NAALADL1: variants seen among roughly 807,000 people sequenced by gnomAD.
The protein encoded by NAALADL1 is N-acetylated alpha-linked acidic dipeptidase like 1, also known as aminopeptidase NAALADL1.
In NAALADL1, 77 loss-of-function variants were observed where a neutral mutation model predicts 82.8. The observed-to-expected ratio is 0.93, with a 90% CI of 0.77 to 1.12. The LOEUF (loss-of-function observed/expected upper bound fraction) is 1.12. Among genes scored for constraint, NAALADL1 ranks in the 50% most tolerant of loss-of-function variants. The probability of loss-of-function intolerance (pLI) is 0.00; values close to 1 mark genes in which losing one functional copy is unlikely to be tolerated. For synonymous variants in NAALADL1, 358 were observed against 399.2 expected (o/e 0.90, Z 1.23); for missense variants, 956 against 964.0 (o/e 0.99, Z 0.11).
Position 65,045,277 on chromosome 11 carries a change from G to GT in NAALADL1, c.2216dup (p.Asp739GlufsTer58). On this transcript the variant is annotated frameshift_variant, in exon 18 of 18. Coordinates refer to ENST00000358658, the MANE Select transcript of NAALADL1 (RefSeq NM_005468.3). LOFTEE classifies it high-confidence loss of function. ...TGAAGAAAGAGGGCTGGGGTCAGAG[G>GT]TCAGCCACAGGCCTCAGGGTGGCTG... 3 of 1,605,296 alleles carry GT rather than the reference G, an allele frequency of 1.9e-6. No individual in the cohort carries two copies. The highest frequency in any genetic ancestry group is 2.6e-6 in the Non-Finnish European group (3 of 1,174,358).
chr11:65,047,402 A>G, intron 13 of NAALADL1, 73 bp downstream of exon 13: 1 of 1,335,800 alleles, frequency 7.5e-7, no homozygotes, highest in Non-Finnish European at 1.0e-6. Context: ...AGTCTGTATG[A>G]GAACAGCCAC....
In NAALADL1 at chr11:65,047,675, T is replaced by C. The variant is rs1380032804; in HGVS notation, c.1480A>G (p.Ser494Gly). Reference sequence around the variant, plus strand: ...GGGACCAGGCCGTACACCGGGCTGCTGCGGTTGAAGTACCGGATCCAGTTG... The same window carrying C: ...GGGACCAGGCCGTACACCGGGCTGCCGCGGTTGAAGTACCGGATCCAGTTG... The part of the protein sequence containing the change: ...YDNWIRYFNR[S>G]SPVYGLVPSL... Residue 494 changes from serine (S) to glycine (G), a missense_variant, in exon 12 of 18, where the codon AGC (serine) becomes GGC (glycine). By Grantham distance (56) the Ser-to-Gly change is moderately conservative. Transcript: ENST00000358658. 3 of 1,607,682 alleles carry C rather than the reference T, an allele frequency of 1.9e-6. No individual in the cohort carries two copies. Among genetic ancestry groups the C allele is most frequent in the African/African-American group, 1.3e-5 (1 of 74,830 alleles).
In NAALADL1 at chr11:65,053,022, G is replaced by C. The variant is rs771793268; in HGVS notation, c.1198+196C>G. Among the ~76,000 whole-genome samples the C allele has an allele frequency of 6.6e-6, 1 of 152,370 alleles. No individual in the cohort carries two copies. The highest frequency in any genetic ancestry group is 2.1e-4 in the South Asian group (1 of 4,832). On this transcript the variant is annotated intron_variant, in intron 8 of 17. Coordinates refer to ENST00000358658, the MANE Select transcript of NAALADL1 (RefSeq NM_005468.3). The surrounding 1 kb of genome is among the most constrained non-coding windows in gnomAD (Gnocchi z 4.3). The stretch of plus-strand genomic sequence containing the variant: ...AGGCACACGGGAGGCACTTGGAAGC[G>C]GCACATGAATCAACCCACAGTCTAT...
chr11:65,058,689 A>T (rs1251009877), upstream of NAALADL1: 2 of 641,282 alleles, frequency 3.1e-6, no homozygotes, highest in African/African-American at 3.7e-5. Flanking sequence ...AGCCATCCAC[A>T]TCCACCACAT....
intron 3 of NAALADL1, 70 bp from the exon 4 acceptor site, chr11:65,057,563 T>C: frequency 6.5e-7 from 1 of 1,545,920 alleles, no homozygotes; most frequent in South Asian, 1.2e-5. Flanking sequence ...GGGGTGGAAG[T>C]TTGCATGGCA....
intron 17 of NAALADL1, 165 bp downstream of exon 17, chr11:65,045,657 G>A (rs1946703296): frequency 1.1e-6 from 1 of 878,586 alleles, no homozygotes; most frequent in Non-Finnish European, 1.7e-6. Flanking sequence ...CTCCCAGAGG[G>A]ACCCTCAAGC....
chr11:65,045,239 G>A lies in NAALADL1; in HGVS notation c.*32C>T. 1 of 1,597,006 alleles carries A rather than the reference G, an allele frequency of 6.3e-7. No individual in the cohort carries two copies. The highest frequency in any genetic ancestry group is 8.5e-7 in the Non-Finnish European group (1 of 1,170,624). ...GGAAAGCAGGCAGGAGAGGGTTGGA[G>A]TAAAGGGAGGGCTGAAGAAAGAGGG... On this transcript the variant is annotated 3_prime_UTR_variant, in exon 18 of 18. Coordinates refer to ENST00000358658, the MANE Select transcript of NAALADL1 (RefSeq NM_005468.3).
intron 8 of NAALADL1, 75 bp from the exon 9 acceptor site, chr11:65,048,460 C>G (rs75121661): frequency 1.3e-6 from 2 of 1,533,766 alleles, no homozygotes; most frequent in Non-Finnish European, 1.8e-6. Flanking sequence ...AGGCTGCTGA[C>G]GTGAGGAGGG....
chr11:65,053,823 C>T lies in NAALADL1; in HGVS notation c.993-247G>A, dbSNP rs560314621. On this transcript the variant is annotated intron_variant, in intron 6 of 17. Transcript: ENST00000358658. This position sits in a 1 kb window ranked among gnomAD's most constrained non-coding sequence, Gnocchi z 4.3. ...CGGTGACAGATGTGGACCTGGTTCT[C>T]GTGGGGCCTCCCTCTCCTGAGTGAG... Among the ~76,000 whole-genome samples, 35 of 152,106 alleles carry T rather than the reference C, an allele frequency of 2.3e-4. No homozygotes were observed. The highest frequency in any genetic ancestry group is 4.1e-4 in the South Asian group (2 of 4,824).
Position 65,058,173 on chromosome 11 carries a change from T to C in NAALADL1, c.263A>G (p.Lys88Arg), listed in dbSNP as rs1057498958. The change falls in exon 2 of 18, where the codon AAG becomes AGG. Residue 88 changes from lysine (K) to arginine (R), a missense_variant. By Grantham distance (26) the Lys-to-Arg change is conservative. Transcript: ENST00000358658. The part of the protein sequence containing the change: ...DLVQLLLQRW[K>R]DPESGLDSAE... Reference sequence around the variant, plus strand: ...CGAGTCCAGGCCTGACTCTGGGTCCTTCCAGCGCTGCAGCAGCAGCTGCAC... The same window carrying C: ...CGAGTCCAGGCCTGACTCTGGGTCCCTCCAGCGCTGCAGCAGCAGCTGCAC... The C allele has an allele frequency of 2.5e-6, 4 of 1,613,956 alleles. No individual in the cohort carries two copies. Among genetic ancestry groups the C allele is most frequent in the Non-Finnish European group, 3.4e-6 (4 of 1,179,944 alleles).
intron 8 of NAALADL1, among the ~76,000 whole-genome samples, chr11:65,049,866 G>A (rs965282108): frequency 6.6e-6 from 1 of 151,934 alleles, no homozygotes; most frequent in Non-Finnish European, 1.5e-5. Flanking sequence ...GTGAGACCCT[G>A]TCTCAAAAAA....
chr11:65,047,619 C>G (rs1426841884), intron 12 of NAALADL1, 28 bp downstream of exon 12: 1 of 1,587,580 alleles, frequency 6.3e-7, no homozygotes, highest in Non-Finnish European at 8.6e-7. Context: ...CCGCCTCGCT[C>G]CGGGCCCCCT....
At position 65,047,568 on chromosome 11, in the gene NAALADL1, G is replaced by A. The variant is rs1268249258; in HGVS notation, c.1509-3C>T. ...TGCCAGCACCCAGAGAACCCAAGCT[G>A]CGGGAAGGAAGGGGGCCGGGATAAA... On this transcript the variant is annotated splice_region_variant and splice_polypyrimidine_tract_variant and intron_variant, in intron 12 of 17. Coordinates refer to ENST00000358658, the MANE Select transcript of NAALADL1 (RefSeq NM_005468.3). 2 of 1,572,706 alleles carry A rather than the reference G, an allele frequency of 1.3e-6. No homozygotes were observed. Among genetic ancestry groups the A allele is most frequent in the Admixed American group, 1.9e-5 (1 of 52,890 alleles).
chr11:65,053,541 A>C lies in NAALADL1; in HGVS notation c.1028T>G (p.Leu343Arg). Residue 343 changes from leucine (L) to arginine (R), a missense_variant, in exon 7 of 18, where the codon CTG (leucine) becomes CGG (arginine). Transcript: ENST00000358658. The surrounding 1 kb of genome is among the most constrained non-coding windows in gnomAD (Gnocchi z 4.3). ...VNVSVYNRLE[L>R]RNSSNVLGII... ...GCCCAGGACGTTGGAAGAGTTCCTCAGCTCCAGGCGGTTGTAGACGCTCAC... is the reference window on the plus strand; with the variant it reads ...GCCCAGGACGTTGGAAGAGTTCCTCCGCTCCAGGCGGTTGTAGACGCTCAC... 1 of 1,611,912 alleles carries C rather than the reference A, an allele frequency of 6.2e-7. No homozygotes were observed. Among genetic ancestry groups the C allele is most frequent in the Non-Finnish European group, 8.5e-7 (1 of 1,178,752 alleles).
rs780105843 is a variant in NAALADL1, at chr11:65,047,744, C to G, written c.1417-6G>C. 3.8e-6 allele frequency: 6 copies of G among 1,595,302 alleles called. No homozygotes were observed. Among genetic ancestry groups the G allele is most frequent in the Non-Finnish European group, 4.3e-6 (5 of 1,172,088 alleles). On this transcript the variant is annotated splice_region_variant and splice_polypyrimidine_tract_variant and intron_variant, in intron 11 of 17. Transcript: ENST00000358658. ...CCAGGGCCTGGTGAGCGGATCTGGCCGGAAGGAGAATTTAGTCTCGGTGCG... is the reference window on the plus strand; with the variant it reads ...CCAGGGCCTGGTGAGCGGATCTGGCGGGAAGGAGAATTTAGTCTCGGTGCG...
Position 65,047,717 on chromosome 11 carries a change from C to T in NAALADL1, c.1438G>A (p.Asp480Asn), listed in dbSNP as rs1670445316. The T allele has an allele frequency of 6.2e-7, 1 of 1,605,776 alleles. No homozygotes were observed. Among genetic ancestry groups the T allele is most frequent in the Non-Finnish European group, 8.5e-7 (1 of 1,177,142 alleles). ...TKEIRSPGPG[D>N]LSIYDNWIRY... ...ATCCAGTTGTCGTAGATGCTCAGGT[C>T]GCCAGGGCCTGGTGAGCGGATCTGG... Residue 480 changes from aspartate to asparagine, a missense_variant, in exon 12 of 18, where the codon GAC becomes AAC. Transcript: ENST00000358658.
Position 65,054,475 on chromosome 11 carries a change from C to A in NAALADL1, c.867G>T (p.Gln289His). ...CTCACCAGAGCAGGTCTCTTGCATC[C>A]TGGAAGCCAATGGGCTGTGTAGGAA... The part of the protein sequence containing the change: ...PPIPTQPIGF[Q>H]DARDLLCNLN... Residue 289 changes from glutamine (Q) to histidine (H), a missense_variant, in exon 5 of 18, where the codon CAG becomes CAT. By Grantham distance (24) the Gln-to-His change is conservative (BLOSUM62 0). Coordinates refer to ENST00000358658, the MANE Select transcript of NAALADL1 (RefSeq NM_005468.3). The surrounding 1 kb of genome is among the most constrained non-coding windows in gnomAD (Gnocchi z 4.3). 1 of 1,614,100 alleles carries A rather than the reference C, an allele frequency of 6.2e-7. No homozygotes were observed. Among genetic ancestry groups the A allele is most frequent in the Non-Finnish European group, 8.5e-7 (1 of 1,180,006 alleles).
At position 65,054,175 on chromosome 11, in the gene NAALADL1, A is replaced by G; in HGVS notation, c.992+75T>C. Reference sequence around the variant, plus strand: ...AGGCTTTGAAGTGGAAAGAGGGAACATCATCACAAGGGAAGGGGAGAGGCG... The same window carrying G: ...AGGCTTTGAAGTGGAAAGAGGGAACGTCATCACAAGGGAAGGGGAGAGGCG... On this transcript the variant is annotated intron_variant, in intron 6 of 17. Transcript: ENST00000358658. This position sits in a 1 kb window ranked among gnomAD's most constrained non-coding sequence, Gnocchi z 4.3. 7.8e-7 allele frequency: 1 copy of G among 1,290,060 alleles called. No homozygotes were observed. Among genetic ancestry groups the G allele is most frequent in the Non-Finnish European group, 1.1e-6 (1 of 903,872 alleles). The allele number at this position is 1,290,060 out of a possible 1,614,324, so 79.9% of individuals were successfully genotyped here.
chr11:65,048,837 GAC>G (rs1352849117), intron 8 of NAALADL1, among the ~76,000 whole-genome samples: 1 of 152,178 alleles, frequency 6.6e-6, no homozygotes, highest in Non-Finnish European at 1.5e-5. Flanking sequence ...GAAGCTAAAT[GAC>G]TTTCCCAGGG....
Sources: allele counts gnomAD v4.1 joint callset (sites outside exome capture counted in the v4.1 genomes callset), GRCh38; gene constraint gnomAD v4.1.1; non-coding constraint Gnocchi (gnomAD v3.1); transcripts MANE v1.5; gene names NCBI Gene and HGNC (gene_info 2026-07-23, HGNC 2026-07-21).